CYP7B1: variants seen among roughly 807,000 people sequenced by gnomAD.
The protein encoded by CYP7B1 is cytochrome P450 family 7 subfamily B member 1, also known as cytochrome P450 7B1.
In CYP7B1, 29 loss-of-function variants were observed where a neutral mutation model predicts 42.7. That is an observed-to-expected ratio of 0.68 (90% CI 0.51 to 0.93). CYP7B1 has a LOEUF of 0.93. Among genes scored for constraint, CYP7B1 ranks in the 40% least tolerant of loss-of-function variants. CYP7B1 has a pLI of 0.00. For synonymous variants in CYP7B1, 235 were observed against 218.2 expected, an observed-to-expected ratio of 1.08 and a Z score of -0.68; for missense variants, 655 against 600.5, an observed-to-expected ratio of 1.09 and a Z score of -0.95.
rs370982699 is a variant in CYP7B1 at position 64,691,487 on chromosome 8, G to A, written c.123-66948C>T. On this transcript the variant is annotated intron_variant, in intron 1 of 5. Transcript: ENST00000310193. ...CGTATGGTTGCGATGGCAACTGGGGGGGGGGGGTGGTGGTTAAAGCTGGAA... is the reference window on the plus strand; with the variant it reads ...CGTATGGTTGCGATGGCAACTGGGGAGGGGGGGTGGTGGTTAAAGCTGGAA... Among the ~76,000 whole-genome samples the A allele has an allele frequency of 1.2e-3, 185 of 149,302 alleles. 10 individuals are homozygous for A. The highest frequency in any genetic ancestry group is 4.1e-3 in the African/African-American group (166 of 40,082).
At chr8:64,649,455 T>A (rs1287363347) in intron 1 of CYP7B1, among the ~76,000 whole-genome samples, 1 of 152,218 alleles carries the variant, frequency 6.6e-6, no homozygotes, top group African/African-American at 2.4e-5. Flanking sequence ...TATCCATTCA[T>A]CTGCTGTTGG....
chr8:64,775,454 T>C (rs565323635), intron 1 of CYP7B1, among the ~76,000 whole-genome samples: 1 of 152,274 alleles, frequency 6.6e-6, no homozygotes, highest in Non-Finnish European at 1.5e-5. Flanking sequence ...TTGTTTTCCA[T>C]GTTATGATTG....
chr8:64,720,910 G>A (rs1807225967), intron 1 of CYP7B1, among the ~76,000 whole-genome samples: 1 of 151,598 alleles, frequency 6.6e-6, no homozygotes, highest in Non-Finnish European at 1.5e-5. Flanking sequence ...TAATCTATTT[G>A]TAAATTACTA....
At chr8:64,714,966 C>A (rs1807133836) in intron 1 of CYP7B1, among the ~76,000 whole-genome samples, 1 of 152,154 alleles carries the variant, frequency 6.6e-6, no homozygotes, top group Non-Finnish European at 1.5e-5. Context: ...AACAACCAAA[C>A]CAACCAAATC....
At chr8:64,776,712 C>T (rs1585908936) in intron 1 of CYP7B1, among the ~76,000 whole-genome samples, 1 of 152,068 alleles carries the variant, frequency 6.6e-6, no homozygotes, top group East Asian at 1.9e-4. Flanking sequence ...TCTCATCTTC[C>T]CCTCCTTTCT....
chr8:64,649,790 T>C (rs974434346), intron 1 of CYP7B1, among the ~76,000 whole-genome samples: 49 of 152,360 alleles, frequency 3.2e-4, no homozygotes, highest in Admixed American at 2.0e-4. Flanking sequence ...TGGTTTTGAT[T>C]TGCATTTACC....
At chr8:64,645,599 T>A (rs1466505877) in intron 1 of CYP7B1, among the ~76,000 whole-genome samples, 2 of 152,118 alleles carry the variant, frequency 1.3e-5, no homozygotes, top group Non-Finnish European at 2.9e-5. Flanking sequence ...GAAGAATCAA[T>A]ATCGTGAAAA....
chr8:64,684,252 A>C (rs767144693), intron 1 of CYP7B1, among the ~76,000 whole-genome samples: 1 of 152,234 alleles, frequency 6.6e-6, no homozygotes, highest in African/African-American at 2.4e-5. Context: ...GGGGCAGCAG[A>C]GTGTGGTAGT....
At chr8:64,722,421 A>G (rs1807249439) in intron 1 of CYP7B1, among the ~76,000 whole-genome samples, 1 of 152,224 alleles carries the variant, frequency 6.6e-6, no homozygotes, top group Non-Finnish European at 1.5e-5. Flanking sequence ...AAGAAATCAA[A>G]TAAACATGAA....
At chr8:64,768,531 T>C (rs1361462311) in intron 1 of CYP7B1, among the ~76,000 whole-genome samples, 1 of 152,200 alleles carries the variant, frequency 6.6e-6, no homozygotes, top group Non-Finnish European at 1.5e-5. Context: ...TAATAATTGA[T>C]AAACAATCAT....
intron 1 of CYP7B1, among the ~76,000 whole-genome samples, chr8:64,656,527 C>T (rs1055368204): frequency 6.6e-6 from 1 of 152,214 alleles, no homozygotes; most frequent in Non-Finnish European, 1.5e-5. Flanking sequence ...CTGCAGAAAG[C>T]CCATGAAGAA....
downstream of CYP7B1, among the ~76,000 whole-genome samples, chr8:64,588,899 A>G (rs1210021652): frequency 2.0e-5 from 3 of 152,202 alleles, no homozygotes; most frequent in African/African-American, 4.8e-5. Context: ...AAGGATATCT[A>G]TCTATTAAAT....
chr8:64,599,803 A>G (rs1397015587), intron 5 of CYP7B1, among the ~76,000 whole-genome samples: 1 of 152,210 alleles, frequency 6.6e-6, no homozygotes, highest in Non-Finnish European at 1.5e-5. Context: ...TCTGTGAAGA[A>G]AATAAAACAA....
intron 1 of CYP7B1, among the ~76,000 whole-genome samples, chr8:64,771,458 C>T (rs1305063450): frequency 1.3e-5 from 2 of 152,158 alleles, no homozygotes; most frequent in Non-Finnish European, 2.9e-5. Context: ...TAGGTTCTCA[C>T]TTCTTTTTTT....
intron 1 of CYP7B1, among the ~76,000 whole-genome samples, chr8:64,720,718 C>G (rs1807223216): frequency 6.6e-6 from 1 of 151,984 alleles, no homozygotes; most frequent in South Asian, 2.1e-4. Flanking sequence ...CACATTAGTT[C>G]AAGAAATATA....
chr8:64,736,635 G>A (rs1330221247), intron 1 of CYP7B1, among the ~76,000 whole-genome samples: 1 of 152,016 alleles, frequency 6.6e-6, no homozygotes, highest in Non-Finnish European at 1.5e-5. Flanking sequence ...ATTTTTAGTA[G>A]AGATGGGGTT....
chr8:64,681,291 T>C (rs1242278902), intron 1 of CYP7B1, among the ~76,000 whole-genome samples: 2 of 152,150 alleles, frequency 1.3e-5, no homozygotes, highest in Non-Finnish European at 2.9e-5. Context: ...AATTCCCCAG[T>C]CGTCACGGAG....
chr8:64,758,519 A>G (rs1030807194), intron 1 of CYP7B1, among the ~76,000 whole-genome samples: 6 of 152,012 alleles, frequency 3.9e-5, no homozygotes. Context: ...ATTGTTATTA[A>G]GAATATTTAA....
At chr8:64,605,646 C>A (rs540067397) in intron 4 of CYP7B1, among the ~76,000 whole-genome samples, 2 of 152,298 alleles carry the variant, frequency 1.3e-5, no homozygotes, top group South Asian at 4.1e-4. Flanking sequence ...TGATAGCATG[C>A]ATATCAGCGT....
Sources: gnomAD v4.1 joint callset for allele counts (sites outside exome capture counted in the v4.1 genomes callset) on GRCh38, gnomAD v4.1.1 for gene constraint, MANE v1.5 for transcripts, NCBI Gene and HGNC (gene_info 2026-07-23, HGNC 2026-07-21) for gene names.